Variants in ZRANB1 observed in about 807,000 individuals in gnomAD.
The protein encoded by ZRANB1 is ubiquitin thioesterase ZRANB1.
A neutral mutation model predicts 80.5 loss-of-function variants in ZRANB1; 16 were observed. That is an observed-to-expected ratio of 0.20 (90% CI 0.13 to 0.30). The LOEUF (loss-of-function observed/expected upper bound fraction) is 0.30. Ranked by LOEUF, ZRANB1 falls within the 10% of genes least tolerant of loss-of-function variation. ZRANB1 has a pLI of 1.00. For synonymous variants in ZRANB1, 291 were observed against 293.1 expected (o/e 0.99, Z 0.07); for missense variants, 576 against 862.6 (o/e 0.67, Z 4.16).
intron 1 of ZRANB1, among the ~76,000 whole-genome samples, chr10:124,954,611 C>T (rs1055275708): frequency 6.7e-6 from 1 of 150,196 alleles, no homozygotes; most frequent in Non-Finnish European, 1.5e-5. Context: ...CCATGCCCGT[C>T]TAATTTTTGT....
chr10:124,943,676 A>G (rs1282297622), intron 1 of ZRANB1, among the ~76,000 whole-genome samples: 1 of 152,198 alleles, frequency 6.6e-6, no homozygotes, highest in African/African-American at 2.4e-5. Flanking sequence ...CCCACAATTA[A>G]TTGTGTTCAT....
the ZRANB1 span, among the ~76,000 whole-genome samples, chr10:124,927,896 G>A: frequency 1.5e-4 from 23 of 152,266 alleles, no homozygotes; most frequent in African/African-American, 5.5e-4. Context: ...AATTAGCTGG[G>A]CGTGGTGGCA....
intron 1 of ZRANB1, chr10:124,946,276 G>A (rs1951581894): frequency 6.6e-6 from 1 of 152,286 alleles, no homozygotes; most frequent in Admixed American, 6.6e-5. Context: ...AAATTAGCCG[G>A]GCATGGTGGC....
chr10:124,964,447 A>G (rs1018439587), intron 1 of ZRANB1, among the ~76,000 whole-genome samples: 5 of 152,238 alleles, frequency 3.3e-5, no homozygotes, highest in Admixed American at 6.5e-5. Context: ...GCTAAAAACA[A>G]TAAAGCGATT....
the ZRANB1 span, among the ~76,000 whole-genome samples, chr10:124,935,664 T>G: frequency 6.6e-6 from 1 of 152,228 alleles, no homozygotes; most frequent in East Asian, 1.9e-4. Context: ...GTTCAGTTGC[T>G]GCCATGGAGT....
chr10:124,967,020 G>A (rs1488195055), intron 2 of ZRANB1, among the ~76,000 whole-genome samples: 1 of 152,194 alleles, frequency 6.6e-6, no homozygotes, highest in Non-Finnish European at 1.5e-5. Flanking sequence ...AACCTGGGAT[G>A]TATCTGTCAT....
At chr10:124,934,931 T>C in the ZRANB1 span, among the ~76,000 whole-genome samples, 2 of 152,174 alleles carry the variant, frequency 1.3e-5, no homozygotes, top group African/African-American at 4.8e-5. Flanking sequence ...CTACTGAGAT[T>C]GGAGGAAAAC....
chr10:124,926,112 C>T, the ZRANB1 span, among the ~76,000 whole-genome samples: 2 of 152,036 alleles, frequency 1.3e-5, no homozygotes, highest in Admixed American at 1.3e-4. Flanking sequence ...AAATGGTACA[C>T]CTGTATAGGG....
the ZRANB1 span, among the ~76,000 whole-genome samples, chr10:124,933,106 G>A: frequency 2.0e-5 from 3 of 150,770 alleles, no homozygotes; most frequent in African/African-American, 7.3e-5. Context: ...AATCAGTGAA[G>A]TCCAGCTTAA....
chr10:124,943,705 G>T (rs925401155), intron 1 of ZRANB1, among the ~76,000 whole-genome samples: 2 of 152,134 alleles, frequency 1.3e-5, no homozygotes, highest in Admixed American at 6.5e-5. Context: ...ATTACTGGGG[G>T]CAGTGGAAAC....
the ZRANB1 span, among the ~76,000 whole-genome samples, chr10:124,920,745 TTTC>T: frequency 6.6e-6 from 1 of 152,126 alleles, no homozygotes. Flanking sequence ...TGCGTGAGAC[TTTC>T]TTTTCTTAGA....
At chr10:124,962,253 A>G (rs1951740107) in intron 1 of ZRANB1, 1 of 266,272 alleles carries the variant, frequency 3.8e-6, no homozygotes, top group Non-Finnish European at 5.8e-6. Flanking sequence ...GACATTCTGA[A>G]CATTACCACT....
chr10:124,967,641 T>A (rs1393234546), intron 2 of ZRANB1, among the ~76,000 whole-genome samples: 1 of 152,126 alleles, frequency 6.6e-6, no homozygotes, highest in Non-Finnish European at 1.5e-5. Flanking sequence ...TGGCAAGAAC[T>A]TCTGCCAGAA....
the ZRANB1 span, among the ~76,000 whole-genome samples, chr10:124,924,167 G>C: frequency 2.6e-5 from 4 of 151,742 alleles, no homozygotes; most frequent in East Asian, 5.8e-4. Context: ...GCCTCCCAAA[G>C]TGCTGGGACT....
chr10:124,935,018 G>A, the ZRANB1 span, among the ~76,000 whole-genome samples: 541 of 152,330 alleles, frequency 3.6e-3, 2 homozygotes, highest in African/African-American at 0.012. Context: ...TTCAGACTAA[G>A]CCATTTAACA....
chr10:124,918,625 A>G, the ZRANB1 span, among the ~76,000 whole-genome samples: 2 of 152,276 alleles, frequency 1.3e-5, no homozygotes, highest in Admixed American at 6.5e-5. Flanking sequence ...GACTCAGTGT[A>G]CAAACCATAA....
At chr10:124,969,024 A>C (rs1226033863) in intron 2 of ZRANB1, among the ~76,000 whole-genome samples, 1 of 152,160 alleles carries the variant, frequency 6.6e-6, no homozygotes, top group South Asian at 2.1e-4. Flanking sequence ...AAAAGACTCA[A>C]CTGGGGCTAG....
chr10:124,926,224 C>T, the ZRANB1 span, among the ~76,000 whole-genome samples: 22 of 152,262 alleles, frequency 1.4e-4, no homozygotes, highest in African/African-American at 5.3e-4. Context: ...ACTTCATAGA[C>T]AGTGAACACT....
chr10:124,984,627 C>T (rs1951992335), intron 8 of ZRANB1, 147 bp from the exon 9 acceptor site: 2 of 743,152 alleles, frequency 2.7e-6, no homozygotes, highest in Admixed American at 3.1e-5. Context: ...AATCACAAAA[C>T]TTCCAAGAGG....
Sources: allele counts gnomAD v4.1 joint callset (sites outside exome capture counted in the v4.1 genomes callset), GRCh38; gene constraint gnomAD v4.1.1; transcripts MANE v1.5; gene names NCBI Gene and HGNC (gene_info 2026-07-23, HGNC 2026-07-21).